The following PAF1 variants were observed in gnomAD, a reference collection of about 807,000 sequenced individuals.
PAF1 encodes PAF1 component of Paf1/RNA polymerase II complex.
In PAF1, 31 loss-of-function variants were observed where a neutral mutation model predicts 68.4. The observed-to-expected ratio is 0.45, with a 90% CI of 0.34 to 0.61. PAF1 has a LOEUF of 0.61. Ranked by LOEUF, PAF1 falls within the 20% of genes least tolerant of loss-of-function variation. The pLI is 0.01. For missense variants in PAF1, 435 were observed against 692.9 expected, an observed-to-expected ratio of 0.63 and a Z score of 4.18; for synonymous variants, 256 against 240.5, an observed-to-expected ratio of 1.06 and a Z score of -0.60.
Position 39,389,847 on chromosome 19 carries a change from G to A in PAF1, c.171-86C>T. 1 of 1,554,630 alleles carries A rather than the reference G, an allele frequency of 6.4e-7. No individual in the cohort carries two copies. On this transcript the variant is annotated intron_variant, in intron 3 of 13. Coordinates refer to ENST00000221265, the MANE Select transcript of PAF1 (RefSeq NM_019088.4). This position sits in a 1 kb window ranked among gnomAD's most constrained non-coding sequence, Gnocchi z 5.3. ...TTCCCAGAGGCGGAGCTTCTCTGGG[G>A]AGGAACTCAGAATGAAGTGTCCCCC...
chr19:39,388,187 A>C, intron 11 of PAF1, 152 bp downstream of exon 11: 1 of 741,530 alleles, frequency 1.3e-6, no homozygotes, highest in Non-Finnish European at 2.2e-6. Context: ...AACCAAGTCC[A>C]GCTCATGTGC....
intron 11 of PAF1, among the ~76,000 whole-genome samples, chr19:39,387,863 C>T (rs1052530389): frequency 4.6e-5 from 7 of 152,172 alleles, no homozygotes; most frequent in Non-Finnish European, 8.8e-5. Flanking sequence ...TCTGGCTGGG[C>T]GTGGTGGCTC....
In PAF1 at chr19:39,389,832, C is replaced by A; in HGVS notation, c.171-71G>T. Reference sequence around the variant, plus strand: ...CCCTCACAGCCCTGCTTCCCAGAGGCGGAGCTTCTCTGGGGAGGAACTCAG... The same window carrying A: ...CCCTCACAGCCCTGCTTCCCAGAGGAGGAGCTTCTCTGGGGAGGAACTCAG... On this transcript the variant is annotated intron_variant, in intron 3 of 13. Coordinates refer to ENST00000221265, the MANE Select transcript of PAF1 (RefSeq NM_019088.4). This position sits in a 1 kb window ranked among gnomAD's most constrained non-coding sequence, Gnocchi z 5.3. 6.3e-7 allele frequency: 1 copy of A among 1,589,932 alleles called. No individual in the cohort carries two copies. Among genetic ancestry groups the A allele is most frequent in the Non-Finnish European group, 8.6e-7 (1 of 1,159,810 alleles).
chr19:39,389,986 G>C lies in PAF1; in HGVS notation c.170+83C>G, dbSNP rs942332631. On this transcript the variant is annotated intron_variant, in intron 3 of 13. Coordinates refer to ENST00000221265, the MANE Select transcript of PAF1 (RefSeq NM_019088.4). This position sits in a 1 kb window ranked among gnomAD's most constrained non-coding sequence, Gnocchi z 5.3. ...TAGGGTAGGTACTGTGCTAGGCCCT[G>C]AGCAGACAGCAGCCAACGAGACAAG... The C allele has an allele frequency of 3.4e-6, 4 of 1,190,732 alleles. No homozygotes were observed. Among genetic ancestry groups the C allele is most frequent in the Admixed American group, 3.4e-5 (2 of 58,430 alleles). The allele number at this position is 1,190,732 out of a possible 1,614,324, so 73.8% of individuals were successfully genotyped here. A position where few individuals can be genotyped will look rare whatever the true frequency, so the allele number is the denominator to read the frequency against.
chr19:39,385,665 A>G lies in PAF1; in HGVS notation c.*326T>C. On this transcript the variant is annotated 3_prime_UTR_variant, in exon 14 of 14. Transcript: ENST00000221265. ...TTCACTTGTTTAATGGTCTGGGCTT[A>G]TTTTGGAAAAAAAAAAAACAAACAA... The G allele has an allele frequency of 1.8e-6, 1 of 542,350 alleles. No individual in the cohort carries two copies. Among genetic ancestry groups the G allele is most frequent in the Non-Finnish European group, 3.2e-6 (1 of 309,546 alleles). 33.6% of individuals were successfully genotyped at this position (542,350 alleles called of 1,614,324 possible). A position where few individuals can be genotyped will look rare whatever the true frequency, so the allele number is the denominator to read the frequency against.
In PAF1 at chr19:39,386,828, G is replaced by A. The variant is rs1353493216; in HGVS notation, c.987-29C>T. On this transcript the variant is annotated intron_variant, in intron 11 of 13. Coordinates refer to ENST00000221265, the MANE Select transcript of PAF1 (RefSeq NM_019088.4). This position sits in a 1 kb window ranked among gnomAD's most constrained non-coding sequence, Gnocchi z 6.1. ...CAGGGGGTGAATTTGGGAGAGAGAAGTGGAAGATGCAGTTAAAGACACACC... is the reference window on the plus strand; with the variant it reads ...CAGGGGGTGAATTTGGGAGAGAGAAATGGAAGATGCAGTTAAAGACACACC... 1 of 1,498,972 alleles carries A rather than the reference G, an allele frequency of 6.7e-7. No individual in the cohort carries two copies. The highest frequency in any genetic ancestry group is 1.7e-5 in the Admixed American group (1 of 59,876). 92.9% of individuals were successfully genotyped at this position (1,498,972 alleles called of 1,614,324 possible).
chr19:39,388,884 T>G lies in PAF1; in HGVS notation c.637-19A>C. On this transcript the variant is annotated intron_variant, in intron 8 of 13. Transcript: ENST00000221265. Reference sequence around the variant, plus strand: ...TCCACATCTAGGGAGATGGAGGCACTGGGGTTAGATGGGAACAGGCACAAA... The same window carrying G: ...TCCACATCTAGGGAGATGGAGGCACGGGGGTTAGATGGGAACAGGCACAAA... 1 of 1,611,676 alleles carries G rather than the reference T, an allele frequency of 6.2e-7. No homozygotes were observed. Among genetic ancestry groups the G allele is most frequent in the East Asian group, 2.2e-5 (1 of 44,880 alleles).
In PAF1 at chr19:39,388,368, G is replaced by A. The variant is rs775098629; in HGVS notation, c.957C>T (p.Asp319=). The change falls in exon 11 of 14, where the codon GAC becomes GAT. Residue 319 remains aspartate, a synonymous_variant. Coordinates refer to ENST00000221265, the MANE Select transcript of PAF1 (RefSeq NM_019088.4). ...ENYFFIFREG[D]GVYYNELETR... is the part of the protein sequence containing the mutation. ...TTTCCAACTCATTGTAGTAAACCCC[G>A]TCACCCTCTCGGAAGATGAAGAAGT... The A allele has an allele frequency of 1.7e-5, 27 of 1,613,916 alleles. No individual in the cohort carries two copies. The highest frequency in any genetic ancestry group is 1.6e-4 in the Middle Eastern group (1 of 6,084).
chr19:39,388,180 C>T lies in PAF1; in HGVS notation c.986+159G>A, dbSNP rs144425875. ...TTTTTCTGGCTCCTCCTGTTAGAAC[C>T]AAGTCCAGCTCATGTGCATGACCAG... On this transcript the variant is annotated intron_variant, in intron 11 of 13. Transcript: ENST00000221265. Among the ~76,000 whole-genome samples, 42 of 152,262 alleles carry T rather than the reference C, an allele frequency of 2.8e-4. No homozygotes were observed. In the East Asian group the frequency reaches 7.5e-3, roughly 27 times the overall value.
Position 39,391,031 on chromosome 19 carries a change from G to A in PAF1, c.-167C>T. 8.8e-6 allele frequency: 6 copies of A among 678,934 alleles called. No homozygotes were observed. Among genetic ancestry groups the A allele is most frequent in the East Asian group, 2.7e-5 (1 of 36,372 alleles). The allele number at this position is 678,934 out of a possible 1,614,324, so 42.1% of individuals were successfully genotyped here. ...GTGGGCGGGCGAGAAGAGCTCCAGC[G>A]AGACTCAGGTGAACGCGCAGGCAGC... On this transcript the variant is annotated 5_prime_UTR_variant, in exon 1 of 14. Coordinates refer to ENST00000221265, the MANE Select transcript of PAF1 (RefSeq NM_019088.4).
chr19:39,391,017 A>G lies in PAF1; in HGVS notation c.-153T>C. 2 of 732,332 alleles carry G rather than the reference A, an allele frequency of 2.7e-6. No homozygotes were observed. The highest frequency in any genetic ancestry group is 4.4e-6 in the Non-Finnish European group (2 of 452,866). The allele number at this position is 732,332 out of a possible 1,614,324, so 45.4% of individuals were successfully genotyped here. ...TGGGTTGAGATGAGGTGGGCGGGCG[A>G]GAAGAGCTCCAGCGAGACTCAGGTG... On this transcript the variant is annotated 5_prime_UTR_variant, in exon 1 of 14. Transcript: ENST00000221265.
At position 39,388,601 on chromosome 19, in the gene PAF1, C is replaced by A. The variant is rs377755049; in HGVS notation, c.816G>T (p.Lys272Asn). The A allele has an allele frequency of 6.8e-6, 11 of 1,614,048 alleles. No homozygotes were observed. The East Asian group carries it at 2.4e-4, about 36-fold the overall frequency. The change falls in exon 10 of 14, where the codon AAG becomes AAT. Residue 272 changes from lysine (K) to asparagine (N), a missense_variant. Lys to Asn is a moderately conservative substitution (Grantham distance 94). Transcript: ENST00000221265. Reference protein sequence around the residue: ...LPVEETLKKRKRDQEEEMDYA... With the variant: ...LPVEETLKKRNRDQEEEMDYA... ...AGTCCATCTCCTCCTCCTGGTCCCG[C>A]TTTCGTTTCTTCAACGTCTCTTCTA...
chr19:39,388,194 G>A (rs1038369626), intron 11 of PAF1, 145 bp downstream of exon 11: 1 of 778,166 alleles, frequency 1.3e-6, no homozygotes, highest in Non-Finnish European at 2.1e-6. Context: ...TCCAGCTCAT[G>A]TGCATGACCA....
rs771193833 is a variant in PAF1 at position 39,390,189 on chromosome 19, G to C, written c.78-28C>G. ...AGGAACATTAGTGGCTCAAAAGTGG[G>C]CCCCCGCTGCCCCACCTCTGCTCCC... On this transcript the variant is annotated intron_variant, in intron 2 of 13. Transcript: ENST00000221265. The C allele has an allele frequency of 2.5e-6, 4 of 1,611,256 alleles. No homozygotes were observed. The African/African-American group carries it at 5.3e-5, about 22-fold the overall frequency.
chr19:39,391,039 G>A lies in PAF1; in HGVS notation c.-175C>T. On this transcript the variant is annotated 5_prime_UTR_variant, in exon 1 of 14. Transcript: ENST00000221265. ...GCGAGAAGAGCTCCAGCGAGACTCAGGTGAACGCGCAGGCAGCACCGGGGA... is the reference window on the plus strand; with the variant it reads ...GCGAGAAGAGCTCCAGCGAGACTCAAGTGAACGCGCAGGCAGCACCGGGGA... 4.5e-6 allele frequency: 3 copies of A among 661,082 alleles called. No homozygotes were observed. Among genetic ancestry groups the A allele is most frequent in the Non-Finnish European group, 7.6e-6 (3 of 392,648 alleles). 41.0% of individuals were successfully genotyped at this position (661,082 alleles called of 1,614,324 possible).
rs771564066 is a variant in PAF1 at position 39,389,488 on chromosome 19, G to A, written c.351C>T (p.Ser117=). 9.3e-6 allele frequency: 15 copies of A among 1,614,144 alleles called. 1 individual carries two copies. The South Asian group carries it at 1.3e-4, about 14-fold the overall frequency. ...LLEEEIQAPT[S]SKRSQQHAKV... ...ATTTGCTACCCACTCACCTCTTGGA[G>A]CTGGTGGGGGCCTGAATCTCCTCTT... Residue 117 remains serine, a synonymous_variant, in exon 5 of 14, where the codon AGC becomes AGT. Coordinates refer to ENST00000221265, the MANE Select transcript of PAF1 (RefSeq NM_019088.4). The surrounding 1 kb of genome is among the most constrained non-coding windows in gnomAD (Gnocchi z 5.3).
In PAF1 at chr19:39,389,343, T is replaced by A; in HGVS notation, c.400A>T (p.Thr134Ser). The stretch of plus-strand genomic sequence containing the variant: ...TTGAACTCAGTGGAGATGTACTCTG[T>A]CTTTCGCATCCATGGCACCACCTTC... Reference protein sequence around the residue: ...HAKVVPWMRKTEYISTEFNRY... With the variant: ...HAKVVPWMRKSEYISTEFNRY... Residue 134 changes from threonine to serine, a missense_variant, in exon 6 of 14, where the codon ACA (threonine) becomes TCA (serine). Coordinates refer to ENST00000221265, the MANE Select transcript of PAF1 (RefSeq NM_019088.4). This position sits in a 1 kb window ranked among gnomAD's most constrained non-coding sequence, Gnocchi z 5.3. 6.2e-7 allele frequency: 1 copy of A among 1,614,182 alleles called. No homozygotes were observed. Among genetic ancestry groups the A allele is most frequent in the Non-Finnish European group, 8.5e-7 (1 of 1,180,028 alleles).
Position 39,388,993 on chromosome 19 carries a change from G to T in PAF1, c.590C>A (p.Pro197His). ...CATGACCTCCACCGGTGTGACTCGG[G>T]GTTTGCTGTAATGCTGTGAGATCTG... ...QKSISQHYSKPRVTPVEVMPV... is the reference protein window; with the variant it reads ...QKSISQHYSKHRVTPVEVMPV... The change falls in exon 8 of 14, where the codon CCC (proline) becomes CAC (histidine). Residue 197 changes from proline (P) to histidine (H), a missense_variant. Physicochemically the swap from Pro to His is moderately conservative, Grantham distance 77 (BLOSUM62 -2). This residue lies in a region of PAF1 where 151 missense variants were observed against 306.3 expected (regional missense o/e 0.49). Coordinates refer to ENST00000221265, the MANE Select transcript of PAF1 (RefSeq NM_019088.4). 6.2e-7 allele frequency: 1 copy of T among 1,614,128 alleles called. No individual in the cohort carries two copies. The highest frequency in any genetic ancestry group is 1.1e-5 in the South Asian group (1 of 91,084).
chr19:39,387,203 G>A, intron 11 of PAF1: 1 of 437,768 alleles, frequency 2.3e-6, no homozygotes, highest in South Asian at 1.7e-5. Flanking sequence ...CTACAAGGTT[G>A]TACAGCATGT....
Sources: allele counts gnomAD v4.1 joint callset (sites outside exome capture counted in the v4.1 genomes callset), GRCh38; gene constraint gnomAD v4.1.1; regional missense constraint gnomAD v4.1.1; non-coding constraint Gnocchi (gnomAD v3.1); transcripts MANE v1.5; gene names NCBI Gene and HGNC (gene_info 2026-07-23, HGNC 2026-07-21).